The following ABCA1 variants were observed in gnomAD, a reference collection of about 807,000 sequenced individuals.
ABCA1 encodes phospholipid-transporting ATPase ABCA1.
Under a neutral mutation model 262.5 loss-of-function variants are expected in ABCA1, and 133 were observed. The observed-to-expected ratio is 0.51, with a 90% confidence interval of 0.44 to 0.59. The LOEUF (loss-of-function observed/expected upper bound fraction) is 0.59, where lower values mean the gene tolerates loss of function less well. ABCA1 is among the 20% of genes least tolerant of loss of function. ABCA1 has a pLI of 0.00. For missense variants in ABCA1, 2,452 were observed against 2,777.5 expected, an observed-to-expected ratio of 0.88 and a Z score of 2.63; for synonymous variants, 1,022 against 1,043.5, an observed-to-expected ratio of 0.98 and a Z score of 0.40.
At chr9:104,865,672 T>C (rs760654259) in intron 5 of ABCA1, among the ~76,000 whole-genome samples, 2 of 152,122 alleles carry the variant, frequency 1.3e-5, no homozygotes, top group South Asian at 2.1e-4. Context: ...TGTGAGAAAG[T>C]GACTTTACCT....
rs571715954 is a variant in ABCA1, at chr9:104,926,479, A to C, written c.-93+1456T>G. On this transcript the variant is annotated intron_variant, in intron 1 of 49. Transcript: ENST00000374736. ...AAAAAAACCAAAAAAACAAAAAAAAAAAAACAAAACGGGCTTTCGCCTCAA... is the reference window on the plus strand; with the variant it reads ...AAAAAAACCAAAAAAACAAAAAAAACAAAACAAAACGGGCTTTCGCCTCAA... Among the ~76,000 whole-genome samples the C allele has an allele frequency of 1.4e-3, 208 of 150,216 alleles. 3 individuals carry two copies. Among genetic ancestry groups the C allele is most frequent in the Non-Finnish European group, 2.5e-3 (170 of 67,342 alleles).
chr9:104,852,817 G>A (rs367579680), intron 7 of ABCA1, among the ~76,000 whole-genome samples: 6 of 152,222 alleles, frequency 3.9e-5, no homozygotes, highest in South Asian at 2.1e-4. Context: ...AACAATGTCC[G>A]GGTTCCAGAC....
At chr9:104,844,655 A>C (rs1834700959) in intron 8 of ABCA1, among the ~76,000 whole-genome samples, 1 of 152,264 alleles carries the variant, frequency 6.6e-6, no homozygotes, top group Non-Finnish European at 1.5e-5. Context: ...GGATTAGAGA[A>C]GCAGCTAAAA....
rs1213756203 is a variant in ABCA1 at position 104,814,444 on chromosome 9, A to ACC, written c.3768_3769dup (p.Val1257GlyfsTer43). ...GCAGTTACCTGAGGTCTCAGCATCC[A>ACC]CCCCACTCTCTTCGGCCACCTTGAG... On this transcript the variant is annotated frameshift_variant, in exon 26 of 50. Coordinates refer to ENST00000374736, the MANE Select transcript of ABCA1 (RefSeq NM_005502.4). LOFTEE classifies it high-confidence loss of function. 1 of 1,613,990 alleles carries ACC rather than the reference A, an allele frequency of 6.2e-7. No homozygotes were observed. Among genetic ancestry groups the ACC allele is most frequent in the African/African-American group, 1.3e-5 (1 of 74,878 alleles).
intron 37 of ABCA1, among the ~76,000 whole-genome samples, chr9:104,796,876 G>A (rs530029661): frequency 2.6e-5 from 4 of 152,198 alleles, no homozygotes; most frequent in Admixed American, 6.5e-5. Context: ...TTGTTTCATC[G>A]CACTGAGAAT....
rs768037345 is a variant in ABCA1, at chr9:104,785,524, G to T, written c.6517C>A (p.Arg2173=). Residue 2173 remains arginine, a synonymous_variant, in exon 49 of 50, where the codon CGG becomes AGG. Transcript: ENST00000374736. The stretch of plus-strand genomic sequence containing the variant: ...GGAAGCTGGTATTGTAGCATGTTCC[G>T]GTGTTTCTCTTTTAGAACACTTCCA... ...FPGSVLKEKH[R]NMLQYQLPSS... 3 of 1,613,594 alleles carry T rather than the reference G, an allele frequency of 1.9e-6. No individual in the cohort carries two copies. The highest frequency in any genetic ancestry group is 2.5e-6 in the Non-Finnish European group (3 of 1,179,708).
At chr9:104,865,833 AT>A (rs1837042034) in intron 5 of ABCA1, among the ~76,000 whole-genome samples, 1 of 152,208 alleles carries the variant, frequency 6.6e-6, no homozygotes, top group Non-Finnish European at 1.5e-5. Flanking sequence ...AACTTTACCA[AT>A]GTACAACAAT....
At chr9:104,839,574 T>C (rs1198055264) in intron 9 of ABCA1, among the ~76,000 whole-genome samples, 1 of 152,226 alleles carries the variant, frequency 6.6e-6, no homozygotes, top group African/African-American at 2.4e-5. Flanking sequence ...TTTATGTTAT[T>C]ATAAAGCTTA....
Position 104,788,114 on chromosome 9 carries a change from T to C in ABCA1, c.6070-60A>G, listed in dbSNP as rs1265542235. 9.1e-6 allele frequency: 14 copies of C among 1,533,032 alleles called. No homozygotes were observed. The African/African-American group carries it at 1.5e-4, about 16-fold the overall frequency. The allele number at this position is 1,533,032 out of a possible 1,614,324, so 95.0% of individuals were successfully genotyped here. ...GCTTGGGAATTTTATCATGCTGTCC[T>C]ACACATACATGTATGAAAGTTCTTT... On this transcript the variant is annotated intron_variant, in intron 45 of 49. Coordinates refer to ENST00000374736, the MANE Select transcript of ABCA1 (RefSeq NM_005502.4).
Position 104,796,386 on chromosome 9 carries a change from G to A in ABCA1, c.5160C>T (p.Ile1720=). Residue 1720 remains isoleucine (I), a synonymous_variant, in exon 38 of 50, where the codon ATC becomes ATT. Transcript: ENST00000374736. ...YVVPATLVII[I]FICFQQKSYV... ...AGGACTTCTGCTGGAAGCAGATGAAGATGATAATGACCAGTGTGGCAGGGA... is the reference window on the plus strand; with the variant it reads ...AGGACTTCTGCTGGAAGCAGATGAAAATGATAATGACCAGTGTGGCAGGGA... The A allele has an allele frequency of 6.2e-7, 1 of 1,614,214 alleles. No individual in the cohort carries two copies.
Position 104,809,513 on chromosome 9 carries a change from G to A in ABCA1, c.4227C>T (p.Thr1409=), listed in dbSNP as rs1340141502. The part of the protein sequence containing the change: ...TGTLELLNAL[T]KDPGFGTRCM... ...AGCGGGTCCCGAAGCCAGGGTCTTT[G>A]GTGAGGGCGTTTAAGAGTTCCAGGG... The change falls in exon 30 of 50, where the codon ACC becomes ACT. Residue 1409 remains threonine, a synonymous_variant. Coordinates refer to ENST00000374736, the MANE Select transcript of ABCA1 (RefSeq NM_005502.4). 3.1e-6 allele frequency: 5 copies of A among 1,614,094 alleles called. No homozygotes were observed. The East Asian group carries it at 1.1e-4, about 36-fold the overall frequency.
intron 5 of ABCA1, among the ~76,000 whole-genome samples, chr9:104,866,823 T>C (rs4743764): frequency 0.51 from 77,625 of 151,960 alleles, 22,515 homozygotes; most frequent in African/African-American, 0.8. Context: ...TCCTATGTTT[T>C]CCACTAGTAC....
chr9:104,826,042 G>A (rs1362241682), intron 16 of ABCA1, among the ~76,000 whole-genome samples, 155 bp from the exon 17 acceptor site: 1 of 152,218 alleles, frequency 6.6e-6, no homozygotes, highest in South Asian at 2.1e-4. Context: ...CCCTTTAGGG[G>A]AGTGGTGGGC....
Position 104,796,070 on chromosome 9 carries a change from C to G in ABCA1, c.5365G>C (p.Glu1789Gln), listed in dbSNP as rs764598814. 1 of 1,612,806 alleles carries G rather than the reference C, an allele frequency of 6.2e-7. No individual in the cohort carries two copies. The highest frequency in any genetic ancestry group is 8.5e-7 in the Non-Finnish European group (1 of 1,179,996). ...TGACTCACATTGTCGGTGAACAGCT[C>G]CAGCACAAAGGTGGCCACGCTGCCA... ...INGSVATFVL[E>Q]LFTDNKLNNI... is the part of the protein sequence containing the mutation. The change falls in exon 39 of 50, where the codon GAG becomes CAG. Residue 1789 changes from glutamate (E) to glutamine (Q), a missense_variant. Physicochemically the swap from Glu to Gln is conservative, Grantham distance 29. Coordinates refer to ENST00000374736, the MANE Select transcript of ABCA1 (RefSeq NM_005502.4).
In ABCA1 at chr9:104,796,123, G is replaced by C; in HGVS notation, c.5312C>G (p.Thr1771Ser). ...KIPSTAYVVL[T>S]SVNLFIGING... The stretch of plus-strand genomic sequence containing the variant: ...AATGCCAATGAAGAGGTTCACGCTG[G>C]TGAGCACCACATAGGCTGTGCTGGG... Residue 1771 changes from threonine to serine, a missense_variant, in exon 39 of 50, where the codon ACC becomes AGC. Transcript: ENST00000374736. The C allele has an allele frequency of 6.2e-7, 1 of 1,613,898 alleles. No homozygotes were observed. The highest frequency in any genetic ancestry group is 8.5e-7 in the Non-Finnish European group (1 of 1,180,020).
chr9:104,812,754 T>A, intron 27 of ABCA1, 32 bp from the exon 28 acceptor site: 1 of 1,613,802 alleles, frequency 6.2e-7, no homozygotes, highest in East Asian at 2.2e-5. Flanking sequence ...GGTCACCTAT[T>A]ATCTTAGGTG....
chr9:104,841,605 T>C (rs1043460980), intron 8 of ABCA1, among the ~76,000 whole-genome samples: 2 of 151,954 alleles, frequency 1.3e-5, no homozygotes, highest in Non-Finnish European at 2.9e-5. Flanking sequence ...TTGGTAACCC[T>C]GGGGGGCAGT....
At chr9:104,873,756 C>T (rs1588470211) in intron 5 of ABCA1, among the ~76,000 whole-genome samples, 1 of 152,290 alleles carries the variant, frequency 6.6e-6, no homozygotes, top group East Asian at 1.9e-4. Context: ...CTATGCTGGG[C>T]CAGGCACTGT....
chr9:104,819,661 G>C lies in ABCA1; in HGVS notation c.3166C>G (p.Leu1056Val). ...TCCACACCAGCTGTGGGTTCATCCA[G>C]AATGACAACCTTAGATCCCCCGACA... Reference protein sequence around the residue: ...AFVGGSKVVILDEPTAGVDPY... With the variant: ...AFVGGSKVVIVDEPTAGVDPY... Residue 1056 changes from leucine to valine, a missense_variant, in exon 22 of 50, where the codon CTG becomes GTG. This residue lies in a region of ABCA1 where 665 missense variants were observed against 727.3 expected (regional missense o/e 0.91). Coordinates refer to ENST00000374736, the MANE Select transcript of ABCA1 (RefSeq NM_005502.4). 6.2e-7 allele frequency: 1 copy of C among 1,614,198 alleles called. No individual in the cohort carries two copies. The highest frequency in any genetic ancestry group is 8.5e-7 in the Non-Finnish European group (1 of 1,180,036).
Sources: allele counts gnomAD v4.1 joint callset (sites outside exome capture counted in the v4.1 genomes callset), GRCh38; gene constraint gnomAD v4.1.1; regional missense constraint gnomAD v4.1.1; transcripts MANE v1.5; gene names NCBI Gene and HGNC (gene_info 2026-07-23, HGNC 2026-07-21).